Variants in PAX3 observed in about 807,000 individuals in gnomAD.
PAX3 encodes paired box 3, also known as paired box protein Pax-3.
A neutral mutation model predicts 51.6 loss-of-function variants in PAX3; 14 were observed. The observed-to-expected ratio is 0.27, with a 90% CI of 0.18 to 0.42. The LOEUF is 0.42. Among genes scored for constraint, PAX3 ranks in the 10% least tolerant of loss-of-function variants. The pLI is 1.00. For synonymous variants in PAX3, 280 were observed against 253.4 expected, an observed-to-expected ratio of 1.11 and a Z score of -1.00; for missense variants, 540 against 642.8, an observed-to-expected ratio of 0.84 and a Z score of 1.73.
chr2:222,249,581 A>G (rs1216450236), intron 4 of PAX3, among the ~76,000 whole-genome samples: 1 of 151,858 alleles, frequency 6.6e-6, no homozygotes, highest in African/African-American at 2.4e-5. Context: ...AGCTTTTCCG[A>G]TTTGGGAAGA....
In PAX3 at chr2:222,201,420, T is replaced by G. The variant is rs1350945199; in HGVS notation, c.1443A>C (p.Pro481=). The G allele has an allele frequency of 2.5e-5, 40 of 1,613,890 alleles. No homozygotes were observed. The highest frequency in any genetic ancestry group is 2.9e-5 in the Non-Finnish European group (34 of 1,180,008). Residue 481 remains proline (P), a synonymous_variant, in exon 9 of 9, where the codon CCA becomes CCC. Coordinates refer to ENST00000392070, the MANE Select transcript of PAX3 (RefSeq NM_181458.4). ...GTGGACAGTTCACTTACGCGATATC[T>G]GGCTTGAGATAATGAAAGGCACCTG... ...YGQSAFHYLK[P]DIA
rs1335453551 is a variant in PAX3, at chr2:222,233,076, A to G, written c.587-793T>C. ...ACAGCTGCTTTATTTAAGAAAGCCA[A>G]TGCAAAAAAAAAAAAAAAAAAAAAA... On this transcript the variant is annotated intron_variant, in intron 4 of 8. Coordinates refer to ENST00000392070, the MANE Select transcript of PAX3 (RefSeq NM_181458.4). 9.5e-5 allele frequency: 9 copies of G among 94,940 alleles called. 1 individual carries two copies. The highest frequency in any genetic ancestry group is 1.7e-4 in the Non-Finnish European group (7 of 42,312). The allele number at this position is 94,940 out of a possible 1,614,324, so 5.9% of individuals were successfully genotyped here.
At chr2:222,291,219 C>A (rs1022223007) in intron 4 of PAX3, among the ~76,000 whole-genome samples, 3 of 152,282 alleles carry the variant, frequency 2.0e-5, no homozygotes, top group Middle Eastern at 3.4e-3. Flanking sequence ...ATGCCTCGGC[C>A]AGGACTTGGC....
Position 222,201,438 on chromosome 2 carries a change from G to A in PAX3, c.1425C>T (p.Ala475=), listed in dbSNP as rs745608290. The A allele has an allele frequency of 3.7e-6, 6 of 1,613,898 alleles. No individual in the cohort carries two copies. Among genetic ancestry groups the A allele is most frequent in the African/African-American group, 2.7e-5 (2 of 74,888 alleles). The part of the protein sequence containing the change: ...GYQYGQYGQS[A]FHYLKPDIA ...CGATATCTGGCTTGAGATAATGAAA[G>A]GCACCTGTAAGGAAACACACGCAGC... is the stretch of plus-strand genomic sequence containing the variant. The change falls in exon 9 of 9, where the codon GCC becomes GCT. Residue 475 remains alanine, a synonymous_variant. Transcript: ENST00000392070.
At position 222,201,077 on chromosome 2, in the gene PAX3, G is replaced by A; in HGVS notation, c.*331C>T. ...CACGCACGCACGCACACAAGCAAATGGAATGTTCTAGCTCCTCGATGATCA... is the reference window on the plus strand; with the variant it reads ...CACGCACGCACGCACACAAGCAAATAGAATGTTCTAGCTCCTCGATGATCA... On this transcript the variant is annotated 3_prime_UTR_variant, in exon 9 of 9. Coordinates refer to ENST00000392070, the MANE Select transcript of PAX3 (RefSeq NM_181458.4). The A allele has an allele frequency of 7.5e-7, 1 of 1,329,714 alleles. No homozygotes were observed. Among genetic ancestry groups the A allele is most frequent in the Non-Finnish European group, 1.1e-6 (1 of 936,446 alleles). The allele number at this position is 1,329,714 out of a possible 1,614,324, so 82.4% of individuals were successfully genotyped here.
chr2:222,244,248 G>A (rs949107381), intron 4 of PAX3, among the ~76,000 whole-genome samples: 1 of 152,184 alleles, frequency 6.6e-6, no homozygotes. Flanking sequence ...TAGAAGAGGT[G>A]ATATCAAAGG....
At chr2:222,290,764 T>C (rs1411030271) in intron 4 of PAX3, among the ~76,000 whole-genome samples, 1 of 151,898 alleles carries the variant, frequency 6.6e-6, no homozygotes, top group Admixed American at 6.6e-5. Context: ...AGCGTCACCC[T>C]GCTGGAGGGG....
intron 5 of PAX3, among the ~76,000 whole-genome samples, chr2:222,222,869 C>A (rs1692250862): frequency 6.6e-6 from 1 of 152,144 alleles, no homozygotes; most frequent in African/African-American, 2.4e-5. Context: ...CACAGAGAAT[C>A]AGGAAAACTC....
intron 5 of PAX3, among the ~76,000 whole-genome samples, chr2:222,225,181 T>C (rs1009789036): frequency 3.3e-5 from 5 of 152,164 alleles, no homozygotes; most frequent in Non-Finnish European, 7.4e-5. Context: ...ATCAAAAGTC[T>C]CCCTCAAAGC....
chr2:222,258,217 C>G (rs1693718116), intron 4 of PAX3, among the ~76,000 whole-genome samples: 1 of 152,172 alleles, frequency 6.6e-6, no homozygotes, highest in African/African-American at 2.4e-5. Flanking sequence ...ATATATTTGT[C>G]TGCGTAAAGG....
At chr2:222,245,130 A>C (rs896926276) in intron 4 of PAX3, among the ~76,000 whole-genome samples, 4 of 152,234 alleles carry the variant, frequency 2.6e-5, no homozygotes, top group Non-Finnish European at 5.9e-5. Flanking sequence ...CCTGGACAAC[A>C]GAACGAGACT....
At chr2:222,254,554 T>C (rs1333139800) in intron 4 of PAX3, among the ~76,000 whole-genome samples, 4 of 152,196 alleles carry the variant, frequency 2.6e-5, no homozygotes, top group African/African-American at 9.7e-5. Flanking sequence ...GGATCTGCCC[T>C]AAACTGATGT....
At chr2:222,245,553 T>C (rs1693194467) in intron 4 of PAX3, among the ~76,000 whole-genome samples, 1 of 152,202 alleles carries the variant, frequency 6.6e-6, no homozygotes, top group Admixed American at 6.6e-5. Context: ...TTTTCCACAT[T>C]GCCTTTTCAG....
At chr2:222,265,767 T>C (rs866259875) in intron 4 of PAX3, among the ~76,000 whole-genome samples, 6 of 152,242 alleles carry the variant, frequency 3.9e-5, no homozygotes, top group African/African-American at 1.2e-4. Context: ...AGTCAGACTT[T>C]TAACAATTCC....
chr2:222,298,470 G>C lies in PAX3; in HGVS notation c.85+61C>G, dbSNP rs966078504. On this transcript the variant is annotated intron_variant, in intron 1 of 8. Transcript: ENST00000392070. ...AAAGGAGCCTGCGGAGCCTGGGGAT[G>C]GGGTGAGGCAGCCGGTCCCAGGCCC... is the stretch of plus-strand genomic sequence containing the variant. 3 of 1,384,770 alleles carry C rather than the reference G, an allele frequency of 2.2e-6. No homozygotes were observed. The African/African-American group carries it at 4.3e-5, about 20-fold the overall frequency. The allele number at this position is 1,384,770 out of a possible 1,614,324, so 85.8% of individuals were successfully genotyped here.
chr2:222,282,504 C>T (rs1694681530), intron 4 of PAX3, among the ~76,000 whole-genome samples: 1 of 152,212 alleles, frequency 6.6e-6, no homozygotes, highest in Non-Finnish European at 1.5e-5. Context: ...CATCCGGCAG[C>T]ACTTCTGAAA....
intron 4 of PAX3, among the ~76,000 whole-genome samples, chr2:222,265,623 A>T (rs960409345): frequency 1.5e-5 from 2 of 131,156 alleles, no homozygotes; most frequent in African/African-American, 6.0e-5. Context: ...ACTGGGCGAC[A>T]GAGTGAGACT....
intron 4 of PAX3, chr2:222,233,077 T>G (rs1299810079): frequency 7.5e-5 from 1 of 13,312 alleles, no homozygotes; most frequent in Admixed American, 8.3e-4. Context: ...AGAAAGCCAA[T>G]GCAAAAAAAA....
chr2:222,227,243 TTACTTGCC>T (rs1473157574), intron 5 of PAX3, among the ~76,000 whole-genome samples: 1 of 152,196 alleles, frequency 6.6e-6, no homozygotes, highest in East Asian at 1.9e-4. Flanking sequence ...AAACAGGATG[TTACTTGCC>T]TACTTCATGG....
Sources: allele counts gnomAD v4.1 joint callset (sites outside exome capture counted in the v4.1 genomes callset), GRCh38; gene constraint gnomAD v4.1.1; transcripts MANE v1.5; gene names NCBI Gene and HGNC (gene_info 2026-07-23, HGNC 2026-07-21).